The following ERCC6 variants were observed in gnomAD, a reference collection of about 807,000 sequenced individuals.
ERCC6 encodes the protein DNA excision repair protein ERCC-6.
In ERCC6, 116 loss-of-function variants were observed where a neutral mutation model predicts 158.7. The observed-to-expected ratio is 0.73, with a 90% CI of 0.63 to 0.85. The LOEUF is 0.85. ERCC6 is among the 40% of genes least tolerant of loss of function. The pLI, the probability that ERCC6 is intolerant of heterozygous loss-of-function variation, is 0.00. For missense variants in ERCC6, 1,698 were observed against 1,799.4 expected, an observed-to-expected ratio of 0.94 and a Z score of 1.02; for synonymous variants, 678 against 659.3, an observed-to-expected ratio of 1.03 and a Z score of -0.43.
At chr10:49,522,688 C>A (rs1014642436) in intron 5 of ERCC6, among the ~76,000 whole-genome samples, 1 of 152,144 alleles carries the variant, frequency 6.6e-6, no homozygotes, top group Non-Finnish European at 1.5e-5. Flanking sequence ...TATATTGCTC[C>A]ATTTATAATC....
At chr10:49,510,861 G>A (rs114364247) in intron 5 of ERCC6, among the ~76,000 whole-genome samples, 1 of 152,076 alleles carries the variant, frequency 6.6e-6, no homozygotes, top group Non-Finnish European at 1.5e-5. Context: ...ACCTCTTGCT[G>A]CATTTCCTAC....
At chr10:49,462,178 C>T (rs1850594893) in intron 18 of ERCC6, among the ~76,000 whole-genome samples, 1 of 152,116 alleles carries the variant, frequency 6.6e-6, no homozygotes, top group African/African-American at 2.4e-5. Flanking sequence ...AAAGAAGAGA[C>T]ACAACAGGAG....
At chr10:49,490,022 A>C (rs17010116) in intron 8 of ERCC6, among the ~76,000 whole-genome samples, 3,666 of 152,308 alleles carry the variant, frequency 0.024, 152 homozygotes, top group African/African-American at 0.081. Context: ...ATATTAGAAA[A>C]AAGGATCACG....
intron 5 of ERCC6, among the ~76,000 whole-genome samples, chr10:49,520,662 C>G (rs1349778879): frequency 6.6e-6 from 1 of 152,030 alleles, no homozygotes; most frequent in Non-Finnish European, 1.5e-5. Flanking sequence ...ATAGACATCA[C>G]TAAGGAACTG....
At chr10:49,493,752 A>C (rs1013590239) in intron 7 of ERCC6, among the ~76,000 whole-genome samples, 10 of 152,206 alleles carry the variant, frequency 6.6e-5, no homozygotes, top group African/African-American at 2.2e-4. Context: ...TAAGGCTGGC[A>C]TGGCCCAGGT....
intron 5 of ERCC6, among the ~76,000 whole-genome samples, chr10:49,509,106 C>T (rs1851493867): frequency 6.6e-6 from 1 of 152,140 alleles, no homozygotes; most frequent in South Asian, 2.1e-4. Context: ...CTCATGAACC[C>T]TCAGCAAGTA....
chr10:49,455,212 C>T lies in ERCC6; in HGVS notation c.*3603G>A, dbSNP rs553888319. ...AGGAATAAGCCTATTATGAAATGTG[C>T]AAGACATTTATGAAGAAAGTTATTA... On this transcript the variant is annotated 3_prime_UTR_variant, in exon 21 of 21. Coordinates refer to ENST00000355832, the MANE Select transcript of ERCC6 (RefSeq NM_000124.4). Among the ~76,000 whole-genome samples the T allele has an allele frequency of 6.6e-6, 1 of 152,050 alleles. No individual in the cohort carries two copies. The highest frequency in any genetic ancestry group is 2.1e-4 in the South Asian group (1 of 4,824).
rs4253226 is a variant in ERCC6 at position 49,459,399 on chromosome 10, T to C, written c.4063-165A>G. ...CTAATGAAAAGGGAAAGGAGGAGGG[T>C]CTGGTATCTAAATCCTCCCACTGTT... is the stretch of plus-strand genomic sequence containing the variant. On this transcript the variant is annotated intron_variant, in intron 20 of 20. Transcript: ENST00000355832. Among the ~76,000 whole-genome samples the C allele has an allele frequency of 0.17, 25,998 of 151,336 alleles. 2,599 individuals are homozygous for C. The highest frequency in any genetic ancestry group is 0.47 in the East Asian group (2,383 of 5,120).
Position 49,460,452 on chromosome 10 carries a change from C to T in ERCC6, c.3984-1G>A. 6.2e-7 allele frequency: 1 copy of T among 1,605,024 alleles called. No individual in the cohort carries two copies. The highest frequency in any genetic ancestry group is 8.5e-7 in the Non-Finnish European group (1 of 1,171,800). On this transcript the variant is annotated splice_acceptor_variant, in intron 19 of 20. Transcript: ENST00000355832. LOFTEE classifies it high-confidence loss of function. The stretch of plus-strand genomic sequence containing the variant: ...ATTCCTTTTCTTACCAAATCTACTC[C>T]TAAAAAAGGAAAAGCATCACAGTAG...
intron 10 of ERCC6, among the ~76,000 whole-genome samples, chr10:49,481,821 C>A (rs144245719): frequency 6.6e-6 from 1 of 152,206 alleles, no homozygotes; most frequent in Non-Finnish European, 1.5e-5. Context: ...ATGCCACCTG[C>A]GTCTCCTGCC....
intron 7 of ERCC6, among the ~76,000 whole-genome samples, chr10:49,494,480 G>A (rs191563938): frequency 2.9e-4 from 44 of 152,188 alleles, no homozygotes; most frequent in East Asian, 1.2e-3. Flanking sequence ...ATAGGTATAC[G>A]TAGAAAAACT....
the ERCC6 span, among the ~76,000 whole-genome samples, chr10:49,441,792 C>G: frequency 6.6e-6 from 1 of 152,182 alleles, no homozygotes; most frequent in Non-Finnish European, 1.5e-5. Context: ...AGTTACACCG[C>G]GCTTTGTTTT....
the ERCC6 span, among the ~76,000 whole-genome samples, chr10:49,440,138 C>T: frequency 6.6e-6 from 1 of 152,296 alleles, no homozygotes; most frequent in South Asian, 2.1e-4. Flanking sequence ...TCTACTGGTA[C>T]CAACTGACTG....
At chr10:49,452,932 AATCT>A (rs1280767828), downstream of ERCC6, among the ~76,000 whole-genome samples, 1 of 152,002 alleles carries the variant, frequency 6.6e-6, no homozygotes, top group Non-Finnish European at 1.5e-5. Flanking sequence ...GTATCCTTTT[AATCT>A]ATCTGTGTCT....
chr10:49,534,865 T>C (rs751306410), intron 1 of ERCC6, among the ~76,000 whole-genome samples: 1 of 152,128 alleles, frequency 6.6e-6, no homozygotes, highest in Non-Finnish European at 1.5e-5. Context: ...AGCCCAGCAA[T>C]AAAGCACCGG....
chr10:49,526,815 C>T (rs1401932565), intron 4 of ERCC6, among the ~76,000 whole-genome samples: 1 of 151,906 alleles, frequency 6.6e-6, no homozygotes, highest in Non-Finnish European at 1.5e-5. Context: ...GGTGTCCAGA[C>T]GGAGAGATAT....
downstream of ERCC6, among the ~76,000 whole-genome samples, chr10:49,451,668 A>G (rs995913487): frequency 3.3e-5 from 5 of 152,148 alleles, no homozygotes; most frequent in Non-Finnish European, 7.4e-5. Context: ...TTTGGTTTGC[A>G]GCATTTAGTT....
intron 18 of ERCC6, among the ~76,000 whole-genome samples, chr10:49,463,210 C>T (rs1489862632): frequency 1.3e-5 from 2 of 152,218 alleles, no homozygotes; most frequent in Non-Finnish European, 2.9e-5. Flanking sequence ...ACACCTTACA[C>T]ACATAGCCTG....
chr10:49,516,531 A>C (rs1418720609), intron 5 of ERCC6: 1 of 1,614,138 alleles, frequency 6.2e-7, no homozygotes, highest in East Asian at 2.2e-5. Flanking sequence ...CCTTCTAGGA[A>C]CTGAGACATA....
Sources: allele counts gnomAD v4.1 joint callset (sites outside exome capture counted in the v4.1 genomes callset), GRCh38; gene constraint gnomAD v4.1.1; transcripts MANE v1.5; gene names NCBI Gene and HGNC (gene_info 2026-07-23, HGNC 2026-07-21).